UPF2: variants seen among roughly 807,000 people sequenced by gnomAD.
UPF2 encodes the protein UPF2 regulator of nonsense mediated mRNA decay.
UPF2 carries 17 observed loss-of-function variants against 141.4 expected under a neutral mutation model. That is an observed-to-expected ratio of 0.12 (90% CI 0.08 to 0.18). The LOEUF (loss-of-function observed/expected upper bound fraction) is 0.18, where lower values mean the gene tolerates loss of function less well. UPF2 is among the 10% of genes least tolerant of loss of function. The probability of loss-of-function intolerance (pLI) is 1.00; values close to 1 mark genes in which losing one functional copy is unlikely to be tolerated. For synonymous variants in UPF2, 540 were observed against 498.0 expected, an observed-to-expected ratio of 1.08 and a Z score of -1.12; for missense variants, 1,152 against 1,515.9, an observed-to-expected ratio of 0.76 and a Z score of 3.99.
At chr10:12,007,619 AG>A (rs1237618829) in intron 4 of UPF2, among the ~76,000 whole-genome samples, 1 of 152,012 alleles carries the variant, frequency 6.6e-6, no homozygotes. Context: ...TAACGAGGTC[AG>A]GAGATCGAGA....
intron 15 of UPF2, among the ~76,000 whole-genome samples, chr10:11,950,536 C>A (rs142513209): frequency 6.6e-6 from 1 of 152,166 alleles, no homozygotes; most frequent in Admixed American, 6.5e-5. Flanking sequence ...AAGAAGCCTG[C>A]AGTCCTTTAA....
At position 11,973,383 on chromosome 10, in the gene UPF2, G is replaced by C. The variant is rs543654510; in HGVS notation, c.1953+5674C>G. Among the ~76,000 whole-genome samples the C allele has an allele frequency of 4.0e-3, 608 of 152,274 alleles. 7 individuals are homozygous for C. The highest frequency in any genetic ancestry group is 0.017 in the Middle Eastern group (5 of 294). ...TCTTTTGCTGTGCAGAAGCTCTTTA[G>C]TTTAATTAGATCCCATTTGTCAATT... On this transcript the variant is annotated intron_variant, in intron 9 of 21. Coordinates refer to ENST00000357604, the MANE Select transcript of UPF2 (RefSeq NM_015542.4).
intron 3 of UPF2, among the ~76,000 whole-genome samples, chr10:12,017,806 A>ATAGGTATAC (rs1311642360): frequency 6.6e-5 from 10 of 152,194 alleles, no homozygotes; most frequent in African/African-American, 2.4e-4. Flanking sequence ...GGTTTGTTAC[A>ATAGGTATAC]TAGGTATACA....
chr10:12,004,875 C>A, intron 4 of UPF2, 148 bp from the exon 5 acceptor site: 1 of 665,320 alleles, frequency 1.5e-6, no homozygotes, highest in South Asian at 2.3e-5. Flanking sequence ...CACATGTGAC[C>A]GTTTTCAACA....
intron 10 of UPF2, among the ~76,000 whole-genome samples, chr10:11,966,303 CT>C (rs1833318871): frequency 1.3e-5 from 2 of 152,198 alleles, no homozygotes; most frequent in Non-Finnish European, 2.9e-5. Context: ...GATATTTACT[CT>C]GTTACTTGAC....
At chr10:12,010,841 A>ATATATATT (rs777773783) in intron 4 of UPF2, among the ~76,000 whole-genome samples, 7,893 of 152,066 alleles carry the variant, frequency 0.052, 280 homozygotes, top group Non-Finnish European at 0.08. Context: ...GAGAGAAAAA[A>ATATATATT]ATATAGATTA....
intron 3 of UPF2, among the ~76,000 whole-genome samples, chr10:12,017,447 T>G (rs1834242612): frequency 6.6e-6 from 1 of 152,202 alleles, no homozygotes; most frequent in African/African-American, 2.4e-5. Flanking sequence ...CTTTCACGTG[T>G]GGATTTGCCT....
At chr10:11,927,531 A>C (rs1832728281) in intron 21 of UPF2, among the ~76,000 whole-genome samples, 1 of 152,242 alleles carries the variant, frequency 6.6e-6, no homozygotes, top group Admixed American at 6.5e-5. Flanking sequence ...TACTCTAAGA[A>C]AATGCAAAAG....
In UPF2 at chr10:11,943,070, C is replaced by T; in HGVS notation, c.3273G>A (p.Glu1091=). 1 of 1,608,978 alleles carries T rather than the reference C, an allele frequency of 6.2e-7. No individual in the cohort carries two copies. Reference sequence around the variant, plus strand: ...ATTTTTCAGCCATACGTACAGTATTCTCTTCATCGGTTTCATTTTCCTTAT... The same window carrying T: ...ATTTTTCAGCCATACGTACAGTATTTTCTTCATCGGTTTCATTTTCCTTAT... The part of the protein sequence containing the change: ...DSNKENETDE[E]NTEVMIKGGG... The change falls in exon 17 of 22, where the codon GAG becomes GAA. Residue 1091 remains glutamate (E), a synonymous_variant. Coordinates refer to ENST00000357604, the MANE Select transcript of UPF2 (RefSeq NM_015542.4).
chr10:11,943,884 G>C (rs988095306), intron 16 of UPF2, among the ~76,000 whole-genome samples: 1 of 151,536 alleles, frequency 6.6e-6, no homozygotes, highest in African/African-American at 2.4e-5. Flanking sequence ...AACAGAAGAT[G>C]GGGCAGAGCA....
In UPF2 at chr10:11,979,907, G is replaced by A. The variant is rs906182922; in HGVS notation, c.1845-742C>T. ...GTGACAAAGCAAGACTCCATCAAACGAATGAATGAATGAATGAATGGTACT... is the reference window on the plus strand; with the variant it reads ...GTGACAAAGCAAGACTCCATCAAACAAATGAATGAATGAATGAATGGTACT... On this transcript the variant is annotated intron_variant, in intron 8 of 21. Coordinates refer to ENST00000357604, the MANE Select transcript of UPF2 (RefSeq NM_015542.4). The surrounding 1 kb of genome is among the most constrained non-coding windows in gnomAD (Gnocchi z 6.2). Among the ~76,000 whole-genome samples, 3 of 151,684 alleles carry A rather than the reference G, an allele frequency of 2.0e-5. No homozygotes were observed. The highest frequency in any genetic ancestry group is 4.9e-5 in the African/African-American group (2 of 41,156).
chr10:11,994,046 T>C (rs759103841), intron 8 of UPF2, among the ~76,000 whole-genome samples: 13 of 151,356 alleles, frequency 8.6e-5, no homozygotes, highest in Non-Finnish European at 1.5e-4. Flanking sequence ...AACTCATATA[T>C]GAAGTGCTAG....
rs751115783 is a variant in UPF2, at chr10:11,958,022, T to C, written c.2370+1149A>G. Among the ~76,000 whole-genome samples the C allele has an allele frequency of 7.9e-5, 12 of 152,110 alleles. No homozygotes were observed. In the East Asian group the frequency reaches 1.2e-3, roughly 15 times the overall value. ...GTAAAGACTAGACAAGTTAAAAATATGTGAAGTACATAGGAAAGTGTCTGG... is the reference window on the plus strand; with the variant it reads ...GTAAAGACTAGACAAGTTAAAAATACGTGAAGTACATAGGAAAGTGTCTGG... On this transcript the variant is annotated intron_variant, in intron 12 of 21. Transcript: ENST00000357604.
intron 1 of UPF2, among the ~76,000 whole-genome samples, chr10:12,040,005 C>G (rs1330327271): frequency 6.6e-6 from 1 of 152,176 alleles, no homozygotes; most frequent in African/African-American, 2.4e-5. Context: ...GACAAATTCA[C>G]AAAGATCATC....
chr10:12,034,965 C>G, intron 2 of UPF2, 94 bp downstream of exon 2: 1 of 1,482,874 alleles, frequency 6.7e-7, no homozygotes. Context: ...TAAAGAGCTG[C>G]ACCCAGGACG....
Position 11,979,967 on chromosome 10 carries a change from A to G in UPF2, c.1845-802T>C, listed in dbSNP as rs1375349755. On this transcript the variant is annotated intron_variant, in intron 8 of 21. Transcript: ENST00000357604. The surrounding 1 kb of genome is among the most constrained non-coding windows in gnomAD (Gnocchi z 6.2). ...AAAAAACCTCTACGAAGGCAAAATA[A>G]TATTACAAAATCTAAATACTAATTT... Among the ~76,000 whole-genome samples the G allele has an allele frequency of 6.6e-6, 1 of 152,200 alleles. No homozygotes were observed. Among genetic ancestry groups the G allele is most frequent in the Non-Finnish European group, 1.5e-5 (1 of 68,038 alleles).
chr10:12,013,573 AC>A (rs2131284748), intron 4 of UPF2, among the ~76,000 whole-genome samples: 1 of 151,716 alleles, frequency 6.6e-6, no homozygotes, highest in South Asian at 2.1e-4. Context: ...GCGCCCGGCC[AC>A]CCTTAAGATT....
intron 19 of UPF2, among the ~76,000 whole-genome samples, chr10:11,934,230 G>T (rs372160585): frequency 1.3e-5 from 2 of 152,226 alleles, no homozygotes; most frequent in Non-Finnish European, 1.5e-5. Flanking sequence ...GTGAATCCTC[G>T]TAACAGTGGT....
At position 11,952,153 on chromosome 10, in the gene UPF2, G is replaced by A; in HGVS notation, c.2947C>T (p.Leu983=). Reference sequence around the variant, plus strand: ...TTACAGAGTTTGATCTTTGGTCTTAGCAGTTCTAGTGTATCACTGATCATG... The same window carrying A: ...TTACAGAGTTTGATCTTTGGTCTTAACAGTTCTAGTGTATCACTGATCATG... ...DYMISDTLEL[L]RPKIKLCNSL... is the part of the protein sequence containing the mutation. Residue 983 remains leucine (L), a synonymous_variant, in exon 15 of 22, where the codon CTA becomes TTA. Coordinates refer to ENST00000357604, the MANE Select transcript of UPF2 (RefSeq NM_015542.4). 1 of 1,613,978 alleles carries A rather than the reference G, an allele frequency of 6.2e-7. No individual in the cohort carries two copies. The highest frequency in any genetic ancestry group is 8.5e-7 in the Non-Finnish European group (1 of 1,179,936).
Sources: gnomAD v4.1 joint callset for allele counts (sites outside exome capture counted in the v4.1 genomes callset) on GRCh38, gnomAD v4.1.1 for gene constraint, Gnocchi (gnomAD v3.1) non-coding constraint, MANE v1.5 for transcripts, NCBI Gene and HGNC (gene_info 2026-07-23, HGNC 2026-07-21) for gene names.